MTUS2: variants seen among roughly 807,000 people sequenced by gnomAD.
MTUS2 encodes the protein microtubule associated scaffold protein 2.
In MTUS2, 40 loss-of-function variants were observed where a neutral mutation model predicts 114.1. The observed-to-expected ratio is 0.35, with a 90% confidence interval of 0.27 to 0.46. The LOEUF is 0.46. MTUS2 is among the 20% of genes least tolerant of loss of function. MTUS2 has a pLI of 1.00. For synonymous variants in MTUS2, 688 were observed against 672.0 expected (o/e 1.02, Z -0.37); for missense variants, 1,679 against 1,705.4 (o/e 0.98, Z 0.27).
intron 2 of MTUS2, among the ~76,000 whole-genome samples, chr13:29,017,916 T>C (rs1886134027): frequency 6.6e-6 from 1 of 152,190 alleles, no homozygotes; most frequent in South Asian, 2.1e-4. Flanking sequence ...ATGAGTCACA[T>C]ATAACTGTAA....
chr13:29,211,226 G>T (rs1407080530), intron 5 of MTUS2, among the ~76,000 whole-genome samples: 1 of 152,090 alleles, frequency 6.6e-6, no homozygotes, highest in Non-Finnish European at 1.5e-5. Context: ...GCCTCTGCTG[G>T]GTCACGCAGG....
intron 2 of MTUS2, among the ~76,000 whole-genome samples, chr13:29,015,586 T>G (rs1399006679): frequency 2.0e-5 from 3 of 152,192 alleles, no homozygotes; most frequent in Non-Finnish European, 4.4e-5. Context: ...GATTTTGCCT[T>G]TAGGAATTTA....
chr13:28,896,976 C>T (rs527733743), intron 2 of MTUS2, among the ~76,000 whole-genome samples: 10 of 152,268 alleles, frequency 6.6e-5, no homozygotes, highest in East Asian at 3.9e-4. Context: ...CATTACCATT[C>T]GGGACATAGG....
intron 5 of MTUS2, among the ~76,000 whole-genome samples, chr13:29,217,937 A>G (rs1415221803): frequency 6.6e-6 from 1 of 152,148 alleles, no homozygotes; most frequent in Admixed American, 6.5e-5. Context: ...GGGCAACATA[A>G]TAAGACCTGG....
intron 14 of MTUS2, among the ~76,000 whole-genome samples, chr13:29,499,901 C>A (rs550148434): frequency 6.6e-6 from 1 of 152,226 alleles, no homozygotes; most frequent in Non-Finnish European, 1.5e-5. Flanking sequence ...AGATTCTGGG[C>A]GATGCTGACC....
chr13:29,002,899 G>C (rs1885447777), intron 2 of MTUS2, among the ~76,000 whole-genome samples: 1 of 152,196 alleles, frequency 6.6e-6, no homozygotes, highest in African/African-American at 2.4e-5. Context: ...GTTCCCCAGT[G>C]ATGCTAGGTA....
chr13:29,391,183 G>C (rs768780078), intron 8 of MTUS2, among the ~76,000 whole-genome samples: 7 of 152,014 alleles, frequency 4.6e-5, no homozygotes, highest in Non-Finnish European at 8.8e-5. Context: ...TCCATGTCCC[G>C]GGTTCAAGTG....
At chr13:29,069,458 C>T (rs1387259528) in intron 4 of MTUS2, among the ~76,000 whole-genome samples, 1 of 152,212 alleles carries the variant, frequency 6.6e-6, no homozygotes, top group African/African-American at 2.4e-5. Context: ...ATGGTACCCA[C>T]CCACATTGGG....
intron 9 of MTUS2, among the ~76,000 whole-genome samples, chr13:29,471,755 C>T (rs544784748): frequency 4.0e-5 from 6 of 150,390 alleles, no homozygotes; most frequent in Non-Finnish European, 7.4e-5. Flanking sequence ...CCCCCCGACA[C>T]ATTGATCTTA....
chr13:29,249,495 C>T (rs1478062141), intron 5 of MTUS2, among the ~76,000 whole-genome samples: 1 of 152,060 alleles, frequency 6.6e-6, no homozygotes, highest in Non-Finnish European at 1.5e-5. Context: ...TTTTAATAAT[C>T]GCCATTCTGA....
At chr13:28,868,259 C>T (rs767248029) in intron 2 of MTUS2, among the ~76,000 whole-genome samples, 18 of 152,132 alleles carry the variant, frequency 1.2e-4, no homozygotes, top group Admixed American at 2.0e-4. Context: ...TGTTATTCTT[C>T]GTGATAGGTT....
At chr13:28,995,288 G>A (rs1398021051) in intron 2 of MTUS2, among the ~76,000 whole-genome samples, 2 of 152,170 alleles carry the variant, frequency 1.3e-5, no homozygotes, top group Admixed American at 6.5e-5. Context: ...GTACCGTGCT[G>A]TTTGGTTACT....
chr13:29,270,794 T>C (rs1016475055), intron 5 of MTUS2, among the ~76,000 whole-genome samples: 4 of 152,146 alleles, frequency 2.6e-5, no homozygotes, highest in Non-Finnish European at 4.4e-5. Context: ...TGATTGCTAT[T>C]GAAGCTGGCA....
chr13:29,463,200 A>G (rs1879634135), intron 9 of MTUS2, among the ~76,000 whole-genome samples: 1 of 152,092 alleles, frequency 6.6e-6, no homozygotes, highest in Non-Finnish European at 1.5e-5. Flanking sequence ...AGGGGAGGAT[A>G]TGTATTCTCC....
chr13:29,103,793 T>C (rs1344492665), intron 5 of MTUS2, among the ~76,000 whole-genome samples: 1 of 152,258 alleles, frequency 6.6e-6, no homozygotes, highest in Non-Finnish European at 1.5e-5. Context: ...AGCATCGTTA[T>C]GTGGTGCATA....
intron 2 of MTUS2, among the ~76,000 whole-genome samples, chr13:28,980,745 A>G (rs901691391): frequency 6.6e-6 from 1 of 152,080 alleles, no homozygotes; most frequent in Non-Finnish European, 1.5e-5. Flanking sequence ...GATAGATGTC[A>G]GGTTATTCCT....
intron 4 of MTUS2, among the ~76,000 whole-genome samples, chr13:29,082,908 T>C (rs1335512812): frequency 6.6e-6 from 1 of 152,106 alleles, no homozygotes. Flanking sequence ...AAAGCTTTTA[T>C]AGTGAGGAGT....
chr13:29,138,731 T>C (rs1892091388), intron 5 of MTUS2, among the ~76,000 whole-genome samples: 1 of 151,774 alleles, frequency 6.6e-6, no homozygotes, highest in Admixed American at 6.6e-5. Context: ...AATAAATTTT[T>C]TCTTAAAGCT....
chr13:28,980,929 C>A (rs923626412), intron 2 of MTUS2, among the ~76,000 whole-genome samples: 1 of 152,236 alleles, frequency 6.6e-6, no homozygotes, highest in African/African-American at 2.4e-5. Context: ...CACACTAGGG[C>A]AACAGGCATA....
Sources: gnomAD v4.1 joint callset for allele counts (sites outside exome capture counted in the v4.1 genomes callset) on GRCh38, gnomAD v4.1.1 for gene constraint, MANE v1.5 for transcripts, NCBI Gene and HGNC (gene_info 2026-07-23, HGNC 2026-07-21) for gene names.